NBEA: variants seen among roughly 807,000 people sequenced by gnomAD.
The protein encoded by NBEA is lysosomal-trafficking regulator 2.
NBEA carries 44 observed loss-of-function variants against 343.4 expected under a neutral mutation model. The ratio of observed to expected loss-of-function variants is 0.13; its 90% CI spans 0.10 to 0.16. The LOEUF is 0.16. Among genes scored for constraint, NBEA ranks in the 10% least tolerant of loss-of-function variants. NBEA has a pLI of 1.00. For missense variants in NBEA, 2,555 were observed against 3,631.3 expected, an observed-to-expected ratio of 0.70 and a Z score of 7.62; for synonymous variants, 1,175 against 1,238.7, an observed-to-expected ratio of 0.95 and a Z score of 1.08.
intron 34 of NBEA, among the ~76,000 whole-genome samples, chr13:35,282,317 G>A (rs1414354981): frequency 6.6e-6 from 1 of 152,032 alleles, no homozygotes; most frequent in Non-Finnish European, 1.5e-5. Context: ...GTTCTCTTTT[G>A]ATTATTAATA....
At chr13:35,645,098 G>T (rs1366410095) in intron 49 of NBEA, among the ~76,000 whole-genome samples, 2 of 152,162 alleles carry the variant, frequency 1.3e-5, no homozygotes, top group Non-Finnish European at 2.9e-5. Context: ...TAGGAGGACA[G>T]ATTTTTAAAT....
chr13:35,515,360 T>C (rs1391877738), intron 41 of NBEA, among the ~76,000 whole-genome samples: 1 of 152,020 alleles, frequency 6.6e-6, no homozygotes, highest in Non-Finnish European at 1.5e-5. Context: ...TGGCAAAGAG[T>C]AGGATACTGA....
intron 38 of NBEA, among the ~76,000 whole-genome samples, chr13:35,426,874 G>A (rs538024605): frequency 5.9e-5 from 9 of 151,866 alleles, no homozygotes; most frequent in East Asian, 5.8e-4. Context: ...TAAACTTCTC[G>A]CTTCATTTCA....
rs142971915 is a variant in NBEA at position 35,113,950 on chromosome 13, A to G, written c.2002+2972A>G. Among the ~76,000 whole-genome samples, 768 of 152,254 alleles carry G rather than the reference A, an allele frequency of 5.0e-3. 8 individuals are homozygous for G. The highest frequency in any genetic ancestry group is 0.017 in the African/African-American group (714 of 41,542). ...AGATTTGGCCAGTAGGACCCTTCACATGGATTATGGGACAAATGCCCATAA... is the reference window on the plus strand; with the variant it reads ...AGATTTGGCCAGTAGGACCCTTCACGTGGATTATGGGACAAATGCCCATAA... On this transcript the variant is annotated intron_variant, in intron 13 of 58. Transcript: ENST00000379939.
chr13:35,227,301 T>C (rs1047126211), intron 33 of NBEA, among the ~76,000 whole-genome samples: 1 of 152,054 alleles, frequency 6.6e-6, no homozygotes, highest in Admixed American at 6.6e-5. Context: ...TATTAGAAAT[T>C]TAGTGACAAC....
At chr13:35,536,493 A>G (rs963618145) in intron 41 of NBEA, among the ~76,000 whole-genome samples, 1 of 152,158 alleles carries the variant, frequency 6.6e-6, no homozygotes, top group East Asian at 1.9e-4. Flanking sequence ...TAATACAGAG[A>G]GTTCCTATAT....
At chr13:34,953,251 G>T (rs1348330322) in intron 1 of NBEA, among the ~76,000 whole-genome samples, 1 of 152,092 alleles carries the variant, frequency 6.6e-6, no homozygotes, top group Non-Finnish European at 1.5e-5. Flanking sequence ...AACGATACTT[G>T]ATTATAAAAT....
In NBEA at chr13:35,066,625, T is replaced by A. The variant is rs534374882; in HGVS notation, c.1240-3283T>A. 8.5e-5 allele frequency among the ~76,000 whole-genome samples: 13 copies of A among 152,200 alleles called. No homozygotes were observed. The East Asian group carries it at 9.7e-4, about 11-fold the overall frequency. On this transcript the variant is annotated intron_variant, in intron 8 of 58. Coordinates refer to ENST00000379939, the MANE Select transcript of NBEA (RefSeq NM_001385012.1). ...CACAGCCATTCCAGCTTTCTTGTGG[T>A]TTCTTGATTTTTTCCCATTTTATTT...
At chr13:35,280,438 A>G (rs981198216) in intron 34 of NBEA, among the ~76,000 whole-genome samples, 1 of 152,122 alleles carries the variant, frequency 6.6e-6, no homozygotes, top group African/African-American at 2.4e-5. Flanking sequence ...CTAGAAATTA[A>G]TAGCTGTTCA....
intron 1 of NBEA, among the ~76,000 whole-genome samples, chr13:34,973,461 G>GT (rs1566108021): frequency 6.6e-6 from 1 of 152,210 alleles, no homozygotes; most frequent in African/African-American, 2.4e-5. Flanking sequence ...GTCCCAGGAA[G>GT]TTTTCAAATC....
intron 36 of NBEA, among the ~76,000 whole-genome samples, chr13:35,310,377 G>T (rs1034864420): frequency 1.3e-5 from 2 of 152,042 alleles, no homozygotes; most frequent in East Asian, 1.9e-4. Flanking sequence ...GTTTTTATCC[G>T]GTCAGTGGCA....
At chr13:35,203,155 T>G (rs1484476601) in intron 31 of NBEA, among the ~76,000 whole-genome samples, 5 of 152,178 alleles carry the variant, frequency 3.3e-5, no homozygotes, top group Admixed American at 6.5e-5. Context: ...TATATCCTTC[T>G]GTGCATAAGC....
intron 1 of NBEA, among the ~76,000 whole-genome samples, chr13:34,989,670 C>G (rs1249172050): frequency 2.0e-5 from 3 of 150,770 alleles, no homozygotes; most frequent in Non-Finnish European, 4.5e-5. Context: ...ACACCTAGCC[C>G]TCCCAAATCT....
chr13:35,082,476 C>T (rs1220689049), intron 10 of NBEA, among the ~76,000 whole-genome samples: 1 of 152,150 alleles, frequency 6.6e-6, no homozygotes, highest in Non-Finnish European at 1.5e-5. Context: ...AGTTCTAGAT[C>T]CCTGAGGAAT....
chr13:35,515,367 C>T (rs1398487628), intron 41 of NBEA, among the ~76,000 whole-genome samples: 1 of 152,176 alleles, frequency 6.6e-6, no homozygotes, highest in Non-Finnish European at 1.5e-5. Context: ...GAGTAGGATA[C>T]TGACAAGGCA....
chr13:35,223,520 A>T (rs1392990316), intron 33 of NBEA, among the ~76,000 whole-genome samples: 3 of 152,096 alleles, frequency 2.0e-5, no homozygotes, highest in Non-Finnish European at 4.4e-5. Flanking sequence ...GTTCCTCTTT[A>T]TGGAATGTGT....
intron 10 of NBEA, among the ~76,000 whole-genome samples, chr13:35,085,396 G>A (rs1210971763): frequency 6.6e-6 from 1 of 152,058 alleles, no homozygotes; most frequent in African/African-American, 2.4e-5. Context: ...CGATCAAGTT[G>A]GCTTCATCCC....
chr13:35,248,507 A>G (rs905360798), intron 34 of NBEA, among the ~76,000 whole-genome samples: 2 of 152,344 alleles, frequency 1.3e-5, no homozygotes, highest in African/African-American at 4.8e-5. Context: ...TTCTACTTAC[A>G]TAGCTCCACA....
intron 1 of NBEA, among the ~76,000 whole-genome samples, chr13:34,951,084 T>C (rs1291345168): frequency 6.6e-6 from 1 of 152,188 alleles, no homozygotes; most frequent in African/African-American, 2.4e-5. Flanking sequence ...GAGTGACATT[T>C]TACCAATATG....
Sources: gnomAD v4.1 joint callset for allele counts (sites outside exome capture counted in the v4.1 genomes callset) on GRCh38, gnomAD v4.1.1 for gene constraint, MANE v1.5 for transcripts, NCBI Gene and HGNC (gene_info 2026-07-23, HGNC 2026-07-21) for gene names.